NCOA6: variants seen among roughly 807,000 people sequenced by gnomAD.
NCOA6 encodes NRC RAP250.
NCOA6 carries 49 observed loss-of-function variants against 171.4 expected under a neutral mutation model. The observed-to-expected ratio is 0.29, with a 90% confidence interval of 0.23 to 0.36. NCOA6 has a LOEUF of 0.36. Ranked by LOEUF, NCOA6 falls within the 10% of genes least tolerant of loss-of-function variation. The pLI is 1.00. For synonymous variants in NCOA6, 910 were observed against 927.5 expected (o/e 0.98, Z 0.34); for missense variants, 2,248 against 2,554.5 (o/e 0.88, Z 2.59).
chr20:34,740,212 T>C, intron 11 of NCOA6, 151 bp downstream of exon 11: 1 of 1,135,938 alleles, frequency 8.8e-7, no homozygotes. Context: ...TAAAAGCATA[T>C]TTTCCAACGT....
At chr20:34,814,027 A>G (rs1206117316) in intron 1 of NCOA6, among the ~76,000 whole-genome samples, 1 of 152,186 alleles carries the variant, frequency 6.6e-6, no homozygotes, top group Non-Finnish European at 1.5e-5. Context: ...TAACAGCGCT[A>G]CAATTTAGAA....
intron 5 of NCOA6, among the ~76,000 whole-genome samples, chr20:34,760,907 T>G (rs1264214051): frequency 6.6e-6 from 1 of 152,162 alleles, no homozygotes; most frequent in Non-Finnish European, 1.5e-5. Context: ...CATTCATCAG[T>G]TTTAGCTGTC....
chr20:34,770,691 C>A (rs377602410), intron 4 of NCOA6, among the ~76,000 whole-genome samples: 10 of 150,552 alleles, frequency 6.6e-5, no homozygotes, highest in African/African-American at 2.2e-4. Context: ...AGTGCAATGG[C>A]GCGATCTCGG....
intron 14 of NCOA6, among the ~76,000 whole-genome samples, chr20:34,716,477 G>A (rs1988616236): frequency 6.6e-6 from 1 of 152,212 alleles, no homozygotes; most frequent in African/African-American, 2.4e-5. Context: ...TTGGCCAGGT[G>A]TGATGGCTCA....
At chr20:34,754,462 C>A (rs987933289) in intron 8 of NCOA6, among the ~76,000 whole-genome samples, 3 of 152,114 alleles carry the variant, frequency 2.0e-5, no homozygotes, top group African/African-American at 7.2e-5. Context: ...TACTATCTGC[C>A]CCTTCAGAGA....
rs549158311 is a variant in NCOA6 at position 34,777,088 on chromosome 20, GCCTGGGC to G, written c.236-647_236-641del. Among the ~76,000 whole-genome samples the G allele has an allele frequency of 2.1e-4, 28 of 134,598 alleles. 1 individual carries two copies. In the South Asian group the frequency reaches 6.5e-3, roughly 31 times the overall value. The allele number at this position is 134,598 out of a possible 152,430, so 88.3% of individuals were successfully genotyped here. On this transcript the variant is annotated intron_variant, in intron 3 of 14. Coordinates refer to ENST00000359003, the MANE Select transcript of NCOA6 (RefSeq NM_014071.5). ...GCCAAGACTGCGCCACTGCACTCCAGCCTGGGCAACAAAGTGAGACTCCGTCTCAAAA... is the reference window on the plus strand; with the variant it reads ...GCCAAGACTGCGCCACTGCACTCCAGAACAAAGTGAGACTCCGTCTCAAAA...
intron 1 of NCOA6, among the ~76,000 whole-genome samples, chr20:34,801,861 A>AAAAAC (rs3053687): frequency 0.16 from 23,784 of 151,674 alleles, 2,036 homozygotes; most frequent in South Asian, 0.32. Context: ...ACTCCATCTC[A>AAAAAC]AAAACAAAAC....
chr20:34,788,368 CCTACTTTT>C (rs2077755544), intron 2 of NCOA6, among the ~76,000 whole-genome samples: 1 of 152,042 alleles, frequency 6.6e-6, no homozygotes, highest in Admixed American at 6.6e-5. Flanking sequence ...CTGGCCTATA[CCTACTTTT>C]AAGCATGTAG....
intron 2 of NCOA6, among the ~76,000 whole-genome samples, chr20:34,789,731 G>A (rs1252148599): frequency 6.6e-6 from 1 of 152,172 alleles, no homozygotes; most frequent in Non-Finnish European, 1.5e-5. Context: ...AGGTTGTGGT[G>A]AGCTGAAATT....
At position 34,754,792 on chromosome 20, in the gene NCOA6, C is replaced by T. The variant is rs1289272996; in HGVS notation, c.1605G>A (p.Ser535=). The change falls in exon 8 of 15, where the codon TCG becomes TCA. Residue 535 remains serine (S), a synonymous_variant. Transcript: ENST00000359003. The part of the protein sequence containing the change: ...NPNFMQGQVP[S]TTATTPGNSG... ...AATTCCCAGGGGTGGTTGCTGTGGTCGAAGGCACCTGACCTTGCATAAAGT... is the reference window on the plus strand; with the variant it reads ...AATTCCCAGGGGTGGTTGCTGTGGTTGAAGGCACCTGACCTTGCATAAAGT... 3 of 1,614,028 alleles carry T rather than the reference C, an allele frequency of 1.9e-6. No individual in the cohort carries two copies. The highest frequency in any genetic ancestry group is 2.2e-5 in the South Asian group (2 of 91,076).
chr20:34,781,307 A>G (rs1468610529), intron 3 of NCOA6, among the ~76,000 whole-genome samples: 2 of 152,230 alleles, frequency 1.3e-5, no homozygotes, highest in Non-Finnish European at 2.9e-5. Flanking sequence ...GAATAAATCT[A>G]GGCTTTTCAC....
chr20:34,817,137 A>G lies in NCOA6; in HGVS notation c.-164+8335T>C, dbSNP rs1337332115. Among the ~76,000 whole-genome samples the G allele has an allele frequency of 2.4e-5, 3 of 124,380 alleles. 1 individual carries two copies. Among genetic ancestry groups the G allele is most frequent in the Non-Finnish European group, 5.5e-5 (3 of 54,992 alleles). The allele number at this position is 124,380 out of a possible 152,430, so 81.6% of individuals were successfully genotyped here. A position where few individuals can be genotyped will look rare whatever the true frequency, so the allele number is the denominator to read the frequency against. ...GACTCCATCACACACACACACAAAAAAGCAAAAGCAAAAGCAAAAGAAAAT... is the reference window on the plus strand; with the variant it reads ...GACTCCATCACACACACACACAAAAGAGCAAAAGCAAAAGCAAAAGAAAAT... On this transcript the variant is annotated intron_variant, in intron 1 of 14. Transcript: ENST00000359003.
chr20:34,768,795 T>C lies in NCOA6; in HGVS notation c.392-209A>G, dbSNP rs78349609. Among the ~76,000 whole-genome samples, 346 of 152,286 alleles carry C rather than the reference T, an allele frequency of 2.3e-3. 3 individuals carry two copies. The highest frequency in any genetic ancestry group is 7.8e-3 in the African/African-American group (324 of 41,556). On this transcript the variant is annotated intron_variant, in intron 4 of 14. Transcript: ENST00000359003. ...AAGCACAAGGAGATATAACCAATTC[T>C]TACTTGTAATAGGGAAGCAGGGTGA...
chr20:34,795,107 A>G (rs2078020714), intron 1 of NCOA6, among the ~76,000 whole-genome samples: 1 of 152,212 alleles, frequency 6.6e-6, no homozygotes, highest in Non-Finnish European at 1.5e-5. Context: ...GTAGAAGCAA[A>G]GAAAGAATTT....
At chr20:34,761,538 T>C (rs1230587555) in intron 5 of NCOA6, among the ~76,000 whole-genome samples, 1 of 152,178 alleles carries the variant, frequency 6.6e-6, no homozygotes. Context: ...ATCTATGTGA[T>C]ATTAATATTT....
chr20:34,761,614 T>C (rs1332693159), intron 5 of NCOA6, among the ~76,000 whole-genome samples: 3 of 152,192 alleles, frequency 2.0e-5, no homozygotes, highest in Non-Finnish European at 4.4e-5. Context: ...CCATTTATGC[T>C]TGGAAATATT....
chr20:34,743,138 G>C lies in NCOA6; in HGVS notation c.3118C>G (p.Gln1040Glu). The change falls in exon 11 of 15, where the codon CAG (glutamine) becomes GAG (glutamate). Residue 1040 changes from glutamine to glutamate, a missense_variant. Gln to Glu is a conservative substitution (Grantham distance 29, BLOSUM62 2). This residue lies in a region of NCOA6 where 352 missense variants were observed against 419.1 expected (regional missense o/e 0.84). Transcript: ENST00000359003. ...AGCCTAACTGATTTGGGATCCTGCTGCATCATGAGCATCATCATCATTTGT... is the reference window on the plus strand; with the variant it reads ...AGCCTAACTGATTTGGGATCCTGCTCCATCATGAGCATCATCATCATTTGT... ...QQQMMMMLMM[Q>E]QDPKSVRLPV... 1 of 1,614,034 alleles carries C rather than the reference G, an allele frequency of 6.2e-7. No homozygotes were observed. The highest frequency in any genetic ancestry group is 8.5e-7 in the Non-Finnish European group (1 of 1,179,938).
intron 5 of NCOA6, among the ~76,000 whole-genome samples, chr20:34,764,310 A>G (rs574972865): frequency 1.2e-4 from 18 of 152,218 alleles, no homozygotes; most frequent in African/African-American, 4.3e-4. Context: ...GATGGTCTCC[A>G]TCTCCTGACC....
intron 5 of NCOA6, among the ~76,000 whole-genome samples, chr20:34,765,954 G>C (rs1022497907): frequency 6.6e-5 from 10 of 152,164 alleles, no homozygotes; most frequent in African/African-American, 2.4e-4. Context: ...GCAGTACTAA[G>C]AATAATTGAA....
Sources: gnomAD v4.1 joint callset for allele counts (sites outside exome capture counted in the v4.1 genomes callset) on GRCh38, gnomAD v4.1.1 for gene constraint, gnomAD v4.1.1 regional missense constraint, MANE v1.5 for transcripts, NCBI Gene and HGNC (gene_info 2026-07-23, HGNC 2026-07-21) for gene names.